Variants in CLIC4 observed in about 807,000 individuals in gnomAD.
CLIC4 encodes CLIC family member 4.
CLIC4 carries 13 observed loss-of-function variants against 24.6 expected under a neutral mutation model. That is an observed-to-expected ratio of 0.53 (90% CI 0.34 to 0.84). CLIC4 has a LOEUF of 0.84. Ranked by LOEUF, CLIC4 falls within the 40% of genes least tolerant of loss-of-function variation. The pLI, the probability that CLIC4 is intolerant of heterozygous loss-of-function variation, is 0.01. For missense variants in CLIC4, 227 were observed against 301.7 expected, an observed-to-expected ratio of 0.75 and a Z score of 1.83; for synonymous variants, 104 against 111.3, an observed-to-expected ratio of 0.93 and a Z score of 0.41.
chr1:24,765,132 G>C (rs976389658), intron 1 of CLIC4, among the ~76,000 whole-genome samples: 1 of 152,192 alleles, frequency 6.6e-6, no homozygotes, highest in Non-Finnish European at 1.5e-5. Flanking sequence ...AATAGATACT[G>C]TTCCCATTGA....
chr1:24,810,521 T>C (rs188423683), intron 2 of CLIC4, among the ~76,000 whole-genome samples: 1 of 152,228 alleles, frequency 6.6e-6, no homozygotes, highest in Non-Finnish European at 1.5e-5. Context: ...CTTTCAGTTA[T>C]GTGGGTTATA....
intron 2 of CLIC4, among the ~76,000 whole-genome samples, chr1:24,802,711 C>CTTTTTTTTTTTT (rs535381018): frequency 7.3e-6 from 1 of 136,940 alleles, no homozygotes; most frequent in Non-Finnish European, 1.6e-5. Flanking sequence ...TTTTCTTTTT[C>CTTTTTTTTTTTT]TTTTTTTTTT....
chr1:24,798,560 G>A (rs72654693), intron 2 of CLIC4, among the ~76,000 whole-genome samples: 3,805 of 152,206 alleles, frequency 0.025, 70 homozygotes, highest in East Asian at 0.048. Flanking sequence ...ACAGGTCTGA[G>A]GTGAAGAACA....
At chr1:24,826,576 A>C (rs1251142610) in intron 3 of CLIC4, among the ~76,000 whole-genome samples, 3 of 152,226 alleles carry the variant, frequency 2.0e-5, no homozygotes, top group Non-Finnish European at 4.4e-5. Context: ...GATTAATTTA[A>C]ATTCATATTC....
chr1:24,811,579 C>T (rs1287353822), intron 2 of CLIC4, among the ~76,000 whole-genome samples: 1 of 152,102 alleles, frequency 6.6e-6, no homozygotes, highest in African/African-American at 2.4e-5. Flanking sequence ...CTCAACCAAT[C>T]CTCCCATCTC....
intron 1 of CLIC4, among the ~76,000 whole-genome samples, chr1:24,773,664 A>G (rs964376571): frequency 2.8e-5 from 4 of 140,896 alleles, no homozygotes; most frequent in African/African-American, 1.1e-4. Flanking sequence ...TGGTAAGATC[A>G]TAGCTCACTA....
intron 4 of CLIC4, among the ~76,000 whole-genome samples, chr1:24,831,926 ACCATGCCCGG>A (rs1438450882): frequency 6.6e-6 from 1 of 152,250 alleles, no homozygotes; most frequent in Non-Finnish European, 1.5e-5. Flanking sequence ...GGTGTGAAGC[ACCATGCCCGG>A]CCATGCATTC....
At position 24,772,092 on chromosome 1, in the gene CLIC4, A is replaced by G. The variant is rs571562552; in HGVS notation, c.73-25650A>G. ...GAGCCAATACAAATTCTTCATGATA[A>G]TGGAGGCAGTTTGCCAAAGAAAGAA... On this transcript the variant is annotated intron_variant, in intron 1 of 5. Transcript: ENST00000374379. 1.8e-4 allele frequency among the ~76,000 whole-genome samples: 27 copies of G among 152,364 alleles called. No homozygotes were observed. The South Asian group carries it at 5.4e-3, about 30-fold the overall frequency.
At chr1:24,816,204 G>T (rs1639665635) in intron 3 of CLIC4, among the ~76,000 whole-genome samples, 1 of 139,536 alleles carries the variant, frequency 7.2e-6, no homozygotes, top group Admixed American at 7.3e-5. Flanking sequence ...TTGCTATTTT[G>T]ACCTCCTCCC....
intron 3 of CLIC4, among the ~76,000 whole-genome samples, chr1:24,823,623 A>C (rs1198598830): frequency 6.6e-6 from 1 of 151,998 alleles, no homozygotes; most frequent in Non-Finnish European, 1.5e-5. Flanking sequence ...AAACACAAAA[A>C]ATTAGCTGGG....
At chr1:24,801,702 A>G (rs1466688410) in intron 2 of CLIC4, among the ~76,000 whole-genome samples, 1 of 152,214 alleles carries the variant, frequency 6.6e-6, no homozygotes, top group Admixed American at 6.5e-5. Context: ...TCCAAGTTCT[A>G]GGTTAGTGTA....
intron 1 of CLIC4, among the ~76,000 whole-genome samples, chr1:24,747,082 T>C (rs1638708883): frequency 6.6e-6 from 1 of 151,296 alleles, no homozygotes; most frequent in Admixed American, 6.6e-5. Context: ...TTTCTTTCAA[T>C]TGTCAATTTT....
intron 1 of CLIC4, among the ~76,000 whole-genome samples, chr1:24,763,801 C>T (rs1213801858): frequency 6.6e-6 from 1 of 152,028 alleles, no homozygotes; most frequent in East Asian, 1.9e-4. Flanking sequence ...TTTGTTAATC[C>T]TTCAAGATTC....
intron 5 of CLIC4, 62 bp from the exon 6 acceptor site, chr1:24,840,711 A>C (rs1339016810): frequency 2.2e-6 from 3 of 1,345,474 alleles, no homozygotes; most frequent in Non-Finnish European, 2.0e-6. Flanking sequence ...AAAATCAGAG[A>C]TATGTCTAGT....
intron 1 of CLIC4, among the ~76,000 whole-genome samples, chr1:24,753,492 G>GA (rs1638805023): frequency 6.6e-6 from 1 of 152,128 alleles, no homozygotes; most frequent in Non-Finnish European, 1.5e-5. Flanking sequence ...ACTTGACCTT[G>GA]AAAAAGGAGG....
intron 1 of CLIC4, among the ~76,000 whole-genome samples, chr1:24,775,412 A>C (rs1348732847): frequency 6.6e-6 from 1 of 151,306 alleles, no homozygotes; most frequent in African/African-American, 2.4e-5. Context: ...GAACTCTAAA[A>C]TATAAATGTT....
In CLIC4 at chr1:24,842,058, C is replaced by T. The variant is rs1639949539; in HGVS notation, c.*1121C>T. The stretch of plus-strand genomic sequence containing the variant: ...AATTTTCTCATTTCACCCCATTTAC[C>T]TTGTATAGAGGATTGTTCATTCCTT... On this transcript the variant is annotated 3_prime_UTR_variant, in exon 6 of 6. Transcript: ENST00000374379. The T allele has an allele frequency of 6.6e-6, 1 of 152,430 alleles. No homozygotes were observed. Among genetic ancestry groups the T allele is most frequent in the African/African-American group, 2.4e-5 (1 of 41,392 alleles). 9.4% of individuals were successfully genotyped at this position (152,430 alleles called of 1,614,324 possible).
chr1:24,824,943 G>C (rs1571263331), intron 3 of CLIC4, among the ~76,000 whole-genome samples: 1 of 151,628 alleles, frequency 6.6e-6, no homozygotes, highest in South Asian at 2.1e-4. Context: ...TGAGGCTGCA[G>C]TGAGCAAGAT....
chr1:24,824,962 T>C (rs1023329197), intron 3 of CLIC4, among the ~76,000 whole-genome samples: 5 of 147,114 alleles, frequency 3.4e-5, no homozygotes, highest in Non-Finnish European at 6.0e-5. Context: ...ATCCTGCCAC[T>C]ACACTCCACC....
Sources: allele counts gnomAD v4.1 joint callset (sites outside exome capture counted in the v4.1 genomes callset), GRCh38; gene constraint gnomAD v4.1.1; transcripts MANE v1.5; gene names NCBI Gene and HGNC (gene_info 2026-07-23, HGNC 2026-07-21).